The following ITIH4 variants were observed in gnomAD, a reference collection of about 807,000 sequenced individuals.
ITIH4 encodes the protein inter-alpha-trypsin inhibitor heavy chain 4.
A neutral mutation model predicts 111.8 loss-of-function variants in ITIH4; 79 were observed. That is an observed-to-expected ratio of 0.71 (90% confidence interval 0.59 to 0.85). The LOEUF (loss-of-function observed/expected upper bound fraction) is 0.85. Among genes scored for constraint, ITIH4 ranks in the 40% least tolerant of loss-of-function variants. The pLI is 0.00. For missense variants in ITIH4, 1,065 were observed against 1,195.8 expected (o/e 0.89, Z 1.61); for synonymous variants, 472 against 468.3 (o/e 1.01, Z -0.10).
At chr3:52,827,254 C>A in intron 2 of ITIH4, 57 bp from the exon 3 acceptor site, 2 of 1,362,750 alleles carry the variant, frequency 1.5e-6, no homozygotes, top group South Asian at 2.3e-5. Context: ...CCATTCCACT[C>A]CTGCCTCCTC....
chr3:52,824,543 A>T lies in ITIH4; in HGVS notation c.899T>A (p.Ile300Asn). The T allele has an allele frequency of 6.2e-7, 1 of 1,613,360 alleles. No homozygotes were observed. The highest frequency in any genetic ancestry group is 8.5e-7 in the Non-Finnish European group (1 of 1,179,912). ...IQQTREALIK[I>N]LDDLSPRDQF... The stretch of plus-strand genomic sequence containing the variant: ...GTCTCTGGGGCTGAGGTCATCCAGG[A>T]TCTTGATTAGGGCTTCCCGGGTCTG... The change falls in exon 8 of 24, where the codon ATC (isoleucine) becomes AAC (asparagine). Residue 300 changes from isoleucine (I) to asparagine (N), a missense_variant. Transcript: ENST00000266041. The surrounding 1 kb of genome is among the most constrained non-coding windows in gnomAD (Gnocchi z 4.3).
chr3:52,818,006 G>T, intron 20 of ITIH4, 46 bp downstream of exon 20: 2 of 1,406,220 alleles, frequency 1.4e-6, no homozygotes, highest in Non-Finnish European at 2.0e-6. Flanking sequence ...CAGGTGGTGG[G>T]TGTGTGCCAG....
In ITIH4 at chr3:52,826,656, A is replaced by G; in HGVS notation, c.520-5T>C. On this transcript the variant is annotated splice_polypyrimidine_tract_variant and splice_region_variant and intron_variant, in intron 4 of 23. Coordinates refer to ENST00000266041, the MANE Select transcript of ITIH4 (RefSeq NM_002218.5). ...CTCGAAGATGTGAATGTCCATCTGGAGGCAAGATGTGGGTCCCTGGGTCAG... is the reference window on the plus strand; with the variant it reads ...CTCGAAGATGTGAATGTCCATCTGGGGGCAAGATGTGGGTCCCTGGGTCAG... 4.3e-6 allele frequency: 7 copies of G among 1,613,230 alleles called. No homozygotes were observed. Among genetic ancestry groups the G allele is most frequent in the Non-Finnish European group, 5.9e-6 (7 of 1,179,316 alleles).
Position 52,824,561 on chromosome 3 carries a change from C to A in ITIH4, c.881G>T (p.Arg294Leu). The change falls in exon 8 of 24, where the codon CGG becomes CTG. Residue 294 changes from arginine (R) to leucine (L), a missense_variant. Transcript: ENST00000266041. This position sits in a 1 kb window ranked among gnomAD's most constrained non-coding sequence, Gnocchi z 4.3. ...ATCCAGGATCTTGATTAGGGCTTCC[C>A]GGGTCTGGTCAGGGAGAGGAAACAT... is the stretch of plus-strand genomic sequence containing the variant. ...SMSGRKIQQT[R>L]EALIKILDDL... is the part of the protein sequence containing the mutation. 6.2e-7 allele frequency: 1 copy of A among 1,610,656 alleles called. No individual in the cohort carries two copies. The highest frequency in any genetic ancestry group is 8.5e-7 in the Non-Finnish European group (1 of 1,179,074).
rs922360209 is a variant in ITIH4 at position 52,821,255 on chromosome 3, A to C, written c.1540-125T>G. On this transcript the variant is annotated intron_variant, in intron 11 of 23. Transcript: ENST00000266041. ...CCCACACACTGACTGTGGGGACTGC[A>C]TTTCCTTTGAGTGGGGGTAAGGAGG... The C allele has an allele frequency of 1.6e-5, 18 of 1,131,402 alleles. No individual in the cohort carries two copies. The African/African-American group carries it at 2.5e-4, about 16-fold the overall frequency. 70.1% of individuals were successfully genotyped at this position (1,131,402 alleles called of 1,614,324 possible).
In ITIH4 at chr3:52,814,316, G is replaced by A; in HGVS notation, c.2519C>T (p.Pro840Leu). The A allele has an allele frequency of 6.2e-7, 1 of 1,614,006 alleles. No homozygotes were observed. The highest frequency in any genetic ancestry group is 1.3e-5 in the African/African-American group (1 of 75,042). Residue 840 changes from proline to leucine, a missense_variant, in exon 22 of 24, where the codon CCA (proline) becomes CTA (leucine). Pro to Leu is a moderately conservative substitution (Grantham distance 98). Coordinates refer to ENST00000266041, the MANE Select transcript of ITIH4 (RefSeq NM_002218.5). Reference sequence around the variant, plus strand: ...CAACAGGCCGATGGTCACTTTGTCTGGGTCACTGAGCAGCAGGAGACCCGT... The same window carrying A: ...CAACAGGCCGATGGTCACTTTGTCTAGGTCACTGAGCAGCAGGAGACCCGT... ...DKTGLLLLSDPDKVTIGLLFW... is the reference protein window; with the variant it reads ...DKTGLLLLSDLDKVTIGLLFW...
intron 23 of ITIH4, 37 bp downstream of exon 23, chr3:52,813,938 C>A: frequency 6.4e-7 from 1 of 1,561,456 alleles, no homozygotes; most frequent in Non-Finnish European, 8.8e-7. Context: ...CCCACCCCAC[C>A]CCAGCTGGGC....
At position 52,824,744 on chromosome 3, in the gene ITIH4, C is replaced by T; in HGVS notation, c.876+98G>A. The T allele has an allele frequency of 1.6e-6, 2 of 1,273,482 alleles. No individual in the cohort carries two copies. Among genetic ancestry groups the T allele is most frequent in the Non-Finnish European group, 1.1e-6 (1 of 903,504 alleles). The allele number at this position is 1,273,482 out of a possible 1,614,324, so 78.9% of individuals were successfully genotyped here. On this transcript the variant is annotated intron_variant, in intron 7 of 23. Transcript: ENST00000266041. This position sits in a 1 kb window ranked among gnomAD's most constrained non-coding sequence, Gnocchi z 4.3. Reference sequence around the variant, plus strand: ...CCTGAGAGCCACCCGCCCCATGGTGCCGAAAGGTGAAGCAAGGGGGTCTGC... The same window carrying T: ...CCTGAGAGCCACCCGCCCCATGGTGTCGAAAGGTGAAGCAAGGGGGTCTGC...
At chr3:52,827,676 G>A (rs1242431035) in intron 2 of ITIH4, among the ~76,000 whole-genome samples, 3 of 152,246 alleles carry the variant, frequency 2.0e-5, no homozygotes, top group Non-Finnish European at 4.4e-5. Context: ...CGTAGGGCTG[G>A]AGGCTCTGAG....
Position 52,829,265 on chromosome 3 carries a change from G to A in ITIH4, c.105C>T (p.Ile35=). The A allele has an allele frequency of 6.2e-7, 1 of 1,611,102 alleles. No individual in the cohort carries two copies. ...TTTAEKNGID[I]YSLTVDSRVS... ...CCCTGGAGTCCACGGTGAGGCTGTA[G>A]ATGTCGATGCCATTCTGGACCAGCA... is the stretch of plus-strand genomic sequence containing the variant. Residue 35 remains isoleucine, a synonymous_variant, in exon 2 of 24, where the codon ATC becomes ATT. Transcript: ENST00000266041.
chr3:52,824,862 T>C lies in ITIH4; in HGVS notation c.856A>G (p.Ser286Gly). 4 of 1,613,902 alleles carry C rather than the reference T, an allele frequency of 2.5e-6. No homozygotes were observed. Among genetic ancestry groups the C allele is most frequent in the Non-Finnish European group, 3.4e-6 (4 of 1,179,878 alleles). The change falls in exon 7 of 24, where the codon AGT becomes GGT. Residue 286 changes from serine to glycine, a missense_variant. Transcript: ENST00000266041. This position sits in a 1 kb window ranked among gnomAD's most constrained non-coding sequence, Gnocchi z 4.3. ...CCTACCTGCTGGATTTTCCTGCCAC[T>C]CATGGAGCCGCTCTTGTCAATGACA... ...VFVIDKSGSM[S>G]GRKIQQTREA...
chr3:52,820,809 T>C (rs1021115681), intron 12 of ITIH4, 24 bp from the exon 13 acceptor site: 1 of 1,585,430 alleles, frequency 6.3e-7, no homozygotes, highest in Non-Finnish European at 8.6e-7. Flanking sequence ...ACATCAGAGC[T>C]CAGGAGATCC....
intron 21 of ITIH4, among the ~76,000 whole-genome samples, chr3:52,815,277 T>G (rs1206302718): frequency 6.6e-6 from 1 of 150,854 alleles, no homozygotes; most frequent in Non-Finnish European, 1.5e-5. Context: ...GGAGTCTCGC[T>G]CTGTCGCCCA....
At chr3:52,818,351 A>C in intron 18 of ITIH4, 68 bp from the exon 19 acceptor site, 1 of 1,568,984 alleles carries the variant, frequency 6.4e-7, no homozygotes, top group Non-Finnish European at 8.7e-7. Context: ...GGGAGGGAGC[A>C]GTGACTAGGT....
In ITIH4 at chr3:52,823,749, G is replaced by A; in HGVS notation, c.1354-8C>T. The stretch of plus-strand genomic sequence containing the variant: ...CACTTCCTGGTAGAAGTCCTGCAGG[G>A]TTGGGGGTGTCATAAAGGCTGGGCT... On this transcript the variant is annotated splice_polypyrimidine_tract_variant and splice_region_variant and intron_variant, in intron 10 of 23. Coordinates refer to ENST00000266041, the MANE Select transcript of ITIH4 (RefSeq NM_002218.5). 6.2e-7 allele frequency: 1 copy of A among 1,614,108 alleles called. No individual in the cohort carries two copies. The highest frequency in any genetic ancestry group is 8.5e-7 in the Non-Finnish European group (1 of 1,179,976).
chr3:52,818,527 G>A lies in ITIH4; in HGVS notation c.2087C>T (p.Ser696Leu). 1 of 1,602,916 alleles carries A rather than the reference G, an allele frequency of 6.2e-7. No homozygotes were observed. The highest frequency in any genetic ancestry group is 8.5e-7 in the Non-Finnish European group (1 of 1,174,542). ...PFRRLAILPASAPPATSNPDP... is the reference protein window; with the variant it reads ...PFRRLAILPALAPPATSNPDP... ...AGGATTTGAGGTGGCTGGTGGTGCT[G>A]AAGCAGGCACTAGGGCAGGAACATC... The change falls in exon 18 of 24, where the codon TCA (serine) becomes TTA (leucine). Residue 696 changes from serine to leucine, a missense_variant. Physicochemically the swap from Ser to Leu is moderately radical, Grantham distance 145. Transcript: ENST00000266041.
At chr3:52,819,211 C>T (rs1700329306) in intron 17 of ITIH4, 182 bp downstream of exon 17, 1 of 651,636 alleles carries the variant, frequency 1.5e-6, no homozygotes, top group East Asian at 2.9e-5. Flanking sequence ...AAATGCACTC[C>T]CACCCCAGCC....
chr3:52,827,345 A>C (rs1578782267), intron 2 of ITIH4, 148 bp from the exon 3 acceptor site: 1 of 688,424 alleles, frequency 1.5e-6, no homozygotes, highest in Non-Finnish European at 2.6e-6. Flanking sequence ...TTTATTATGC[A>C]CCTACCGCAT....
chr3:52,824,362 A>G lies in ITIH4; in HGVS notation c.1045+35T>C, dbSNP rs756148341. 6.2e-7 allele frequency: 1 copy of G among 1,612,026 alleles called. No homozygotes were observed. Among genetic ancestry groups the G allele is most frequent in the South Asian group, 1.1e-5 (1 of 91,050 alleles). On this transcript the variant is annotated intron_variant, in intron 8 of 23. Coordinates refer to ENST00000266041, the MANE Select transcript of ITIH4 (RefSeq NM_002218.5). This position sits in a 1 kb window ranked among gnomAD's most constrained non-coding sequence, Gnocchi z 4.3. Reference sequence around the variant, plus strand: ...GGTGGTCCCCAGCCAGGAGCCCTGGAAGCCCCCACCCTGCAGGGCCACAGA... The same window carrying G: ...GGTGGTCCCCAGCCAGGAGCCCTGGGAGCCCCCACCCTGCAGGGCCACAGA...
Sources: gnomAD v4.1 joint callset for allele counts (sites outside exome capture counted in the v4.1 genomes callset) on GRCh38, gnomAD v4.1.1 for gene constraint, Gnocchi (gnomAD v3.1) non-coding constraint, MANE v1.5 for transcripts, NCBI Gene and HGNC (gene_info 2026-07-23, HGNC 2026-07-21) for gene names.